The following DCHS2 variants were observed in gnomAD, a reference collection of about 807,000 sequenced individuals.
DCHS2 encodes the protein protocadherin-23.
DCHS2 carries 142 observed loss-of-function variants against 182.4 expected under a neutral mutation model. The ratio of observed to expected loss-of-function variants is 0.78; its 90% CI spans 0.68 to 0.89. The LOEUF is 0.89. DCHS2 is among the 40% of genes least tolerant of loss of function. The pLI, the probability that DCHS2 is intolerant of heterozygous loss-of-function variation, is 0.00. For synonymous variants in DCHS2, 1,740 were observed against 1,663.3 expected, an observed-to-expected ratio of 1.05 and a Z score of -1.12; for missense variants, 4,319 against 4,198.6, an observed-to-expected ratio of 1.03 and a Z score of -0.79.
Position 154,322,356 on chromosome 4 carries a change from T to C in DCHS2, c.4151A>G (p.Gln1384Arg). 6.2e-7 allele frequency: 1 copy of C among 1,613,742 alleles called. No individual in the cohort carries two copies. Among genetic ancestry groups the C allele is most frequent in the Non-Finnish European group, 8.5e-7 (1 of 1,179,778 alleles). The change falls in exon 8 of 20, where the codon CAA (glutamine) becomes CGA (arginine). Residue 1384 changes from glutamine (Q) to arginine (R), a missense_variant. By Grantham distance (43) the Gln-to-Arg change is conservative. Coordinates refer to ENST00000357232, the MANE Select transcript of DCHS2 (RefSeq NM_001358235.2). ...CTGAATATTAACAACTGCCTGTCCT[T>C]GAAGAGGAGGCACTCCCTGGTCAGT... is the stretch of plus-strand genomic sequence containing the variant. Reference protein sequence around the residue: ...IATDQGVPPLQGQAVVNIQVI... With the variant: ...IATDQGVPPLRGQAVVNIQVI...
chr4:154,366,618 A>G (rs568828607), intron 2 of DCHS2, among the ~76,000 whole-genome samples, 177 bp from the exon 3 acceptor site: 1 of 152,162 alleles, frequency 6.6e-6, no homozygotes, highest in African/African-American at 2.4e-5. Flanking sequence ...ACATTTTGTC[A>G]TTTCAAAAGA....
At chr4:154,347,713 G>A (rs1729424132) in intron 3 of DCHS2, among the ~76,000 whole-genome samples, 1 of 151,736 alleles carries the variant, frequency 6.6e-6, no homozygotes, top group South Asian at 2.1e-4. Flanking sequence ...AAATATTTTG[G>A]GGAAAGGGAA....
At chr4:154,343,978 G>C (rs919666059) in intron 3 of DCHS2, among the ~76,000 whole-genome samples, 23 of 152,216 alleles carry the variant, frequency 1.5e-4, no homozygotes, top group Non-Finnish European at 8.8e-5. Context: ...ACACTTAAAG[G>C]CCATTATAGG....
intron 1 of DCHS2, among the ~76,000 whole-genome samples, chr4:154,487,220 C>G (rs1043087928): frequency 1.3e-5 from 2 of 152,222 alleles, no homozygotes; most frequent in African/African-American, 4.8e-5. Flanking sequence ...TTATGACTTT[C>G]ATTTTTAGAA....
chr4:154,260,412 G>A (rs997993002), intron 14 of DCHS2, among the ~76,000 whole-genome samples: 10 of 152,138 alleles, frequency 6.6e-5, no homozygotes, highest in Admixed American at 6.5e-4. Flanking sequence ...CTTCCTTCAA[G>A]CCACCAGCAC....
intron 16 of DCHS2, among the ~76,000 whole-genome samples, chr4:154,246,667 C>T (rs1323244810): frequency 6.6e-6 from 1 of 151,958 alleles, no homozygotes; most frequent in African/African-American, 2.4e-5. Context: ...CAGAAGACAA[C>T]ATGTGCATAA....
chr4:154,449,287 T>C (rs763097678), intron 1 of DCHS2, among the ~76,000 whole-genome samples: 4 of 152,184 alleles, frequency 2.6e-5, no homozygotes, highest in Non-Finnish European at 4.4e-5. Context: ...AATTGAATTA[T>C]GATATTTTCA....
At position 154,333,406 on chromosome 4, in the gene DCHS2, G is replaced by A. The variant is rs28607083; in HGVS notation, c.2802C>T (p.Thr934=). The stretch of plus-strand genomic sequence containing the variant: ...GCGTCTCGTGATCCAGGGGCTTCCG[G>A]GTGCGAATAGTGCCCAGCCGCGGGT... ...SIHPRLGTIR[T]RKPLDHETQP... Residue 934 remains threonine (T), a synonymous_variant, in exon 5 of 20, where the codon ACC becomes ACT. Coordinates refer to ENST00000357232, the MANE Select transcript of DCHS2 (RefSeq NM_001358235.2). The A allele has an allele frequency of 9.7e-4, 1,571 of 1,614,096 alleles. 10 individuals are homozygous for A. In the African/African-American group the frequency reaches 0.018, roughly 18 times the overall value.
rs202003400 is a variant in DCHS2 at position 154,329,633 on chromosome 4, C to T, written c.3808G>A (p.Gly1270Ser). 62 of 1,612,500 alleles carry T rather than the reference C, an allele frequency of 3.8e-5. No homozygotes were observed. The highest frequency in any genetic ancestry group is 4.9e-5 in the Non-Finnish European group (58 of 1,179,864). ...HEMTVLVTDR[G>S]SPPRNATMAV... ...ATGGTGGCGTTTCGTGGTGGGGAGC[C>T]GCGGTCTGTCACTAGCACAGTCATC... Residue 1270 changes from glycine to serine, a missense_variant, in exon 6 of 20, where the codon GGC becomes AGC. By Grantham distance (56) the Gly-to-Ser change is moderately conservative (BLOSUM62 0). Transcript: ENST00000357232.
chr4:154,277,608 TTTTC>T (rs1733910013), intron 13 of DCHS2, among the ~76,000 whole-genome samples: 1 of 149,306 alleles, frequency 6.7e-6, no homozygotes, highest in Non-Finnish European at 1.5e-5. Context: ...GTGGTGATTT[TTTTC>T]AAATGCAGAA....
At chr4:154,251,364 C>T (rs570630399) in intron 16 of DCHS2, among the ~76,000 whole-genome samples, 1 of 151,830 alleles carries the variant, frequency 6.6e-6, no homozygotes, top group East Asian at 1.9e-4. Context: ...CTTGGCCAAA[C>T]CACTTTACCT....
chr4:154,408,118 G>T (rs1560740109), intron 1 of DCHS2, among the ~76,000 whole-genome samples: 1 of 152,164 alleles, frequency 6.6e-6, no homozygotes, highest in Non-Finnish European at 1.5e-5. Context: ...GAATGAGAAA[G>T]TTAATACTAA....
chr4:154,322,188 C>A, intron 8 of DCHS2, 143 bp downstream of exon 8: 2 of 1,202,148 alleles, frequency 1.7e-6, no homozygotes, highest in Non-Finnish European at 2.3e-6. Flanking sequence ...ATGCTATGTG[C>A]AATGCTCTCA....
chr4:154,266,917 A>G (rs909985887), intron 14 of DCHS2, among the ~76,000 whole-genome samples: 11 of 151,914 alleles, frequency 7.2e-5, no homozygotes, highest in African/African-American at 2.4e-4. Context: ...TTTATTAACA[A>G]TTCTCATTGG....
chr4:154,323,290 T>C (rs1200421151), intron 7 of DCHS2: 1 of 1,550,138 alleles, frequency 6.5e-7, no homozygotes, highest in Non-Finnish European at 8.7e-7. Context: ...GCACGACTGC[T>C]TCCCAAATGC....
intron 9 of DCHS2, among the ~76,000 whole-genome samples, chr4:154,316,234 T>C (rs7674315): frequency 0.93 from 141,857 of 152,238 alleles, 66,178 homozygotes; most frequent in East Asian, 1. Context: ...ATCAATGTTA[T>C]GCAATTATCT....
chr4:154,419,875 T>A (rs1733030830), intron 1 of DCHS2, among the ~76,000 whole-genome samples: 1 of 146,392 alleles, frequency 6.8e-6, no homozygotes, highest in Non-Finnish European at 1.5e-5. Context: ...GATTGGGGCA[T>A]GAGGGACTGT....
chr4:154,447,626 G>C (rs1734357415), intron 1 of DCHS2, among the ~76,000 whole-genome samples: 1 of 152,134 alleles, frequency 6.6e-6, no homozygotes, highest in Non-Finnish European at 1.5e-5. Flanking sequence ...TGGAGCTTGA[G>C]GAAAAATCAC....
At chr4:154,464,499 ATAT>A (rs1173369564) in intron 1 of DCHS2, among the ~76,000 whole-genome samples, 1 of 152,200 alleles carries the variant, frequency 6.6e-6, no homozygotes, top group Non-Finnish European at 1.5e-5. Context: ...TTTATGGAAT[ATAT>A]TAATATAGAA....
Sources: gnomAD v4.1 joint callset for allele counts (sites outside exome capture counted in the v4.1 genomes callset) on GRCh38, gnomAD v4.1.1 for gene constraint, MANE v1.5 for transcripts, NCBI Gene and HGNC (gene_info 2026-07-23, HGNC 2026-07-21) for gene names.